Variants in PTPRK observed in about 807,000 individuals in gnomAD.
PTPRK encodes the protein receptor-type tyrosine-protein phosphatase kappa.
A neutral mutation model predicts 178.0 loss-of-function variants in PTPRK; 75 were observed. The observed-to-expected ratio is 0.42, with a 90% CI of 0.35 to 0.51. The LOEUF (loss-of-function observed/expected upper bound fraction) is 0.51, where lower values mean the gene tolerates loss of function less well. PTPRK is among the 20% of genes least tolerant of loss of function. The pLI is 0.02. For synonymous variants in PTPRK, 637 were observed against 620.6 expected (o/e 1.03, Z -0.39); for missense variants, 1,441 against 1,797.8 (o/e 0.80, Z 3.59).
chr6:128,153,204 CAAAG>C (rs1797518474), intron 7 of PTPRK, among the ~76,000 whole-genome samples: 1 of 151,294 alleles, frequency 6.6e-6, no homozygotes, highest in South Asian at 2.1e-4. Context: ...AAATCAAAAT[CAAAG>C]AAAGACTAGA....
intron 7 of PTPRK, among the ~76,000 whole-genome samples, chr6:128,122,096 A>G (rs149141208): frequency 9.8e-4 from 149 of 152,256 alleles, no homozygotes; most frequent in Middle Eastern, 3.4e-3. Flanking sequence ...ACTTCATCAT[A>G]TACACTTACC....
chr6:128,490,378 G>T (rs1002831253), intron 1 of PTPRK, among the ~76,000 whole-genome samples: 2 of 152,146 alleles, frequency 1.3e-5, no homozygotes, highest in Non-Finnish European at 2.9e-5. Context: ...AAAGGATTCT[G>T]CAGATGCATC....
intron 2 of PTPRK, among the ~76,000 whole-genome samples, chr6:128,363,380 A>C (rs144963558): frequency 1.6e-4 from 24 of 152,320 alleles, no homozygotes; most frequent in African/African-American, 5.8e-4. Context: ...TACACAGTAC[A>C]AATCCCCCCA....
intron 10 of PTPRK, among the ~76,000 whole-genome samples, chr6:128,079,771 C>G (rs1473347462): frequency 6.6e-6 from 1 of 151,960 alleles, no homozygotes; most frequent in East Asian, 1.9e-4. Context: ...AGTAGGAATT[C>G]ACATTTTATG....
intron 13 of PTPRK, among the ~76,000 whole-genome samples, chr6:128,048,823 CG>C: frequency 6.6e-6 from 1 of 152,186 alleles, no homozygotes; most frequent in South Asian, 2.1e-4. Flanking sequence ...CTCGGGGTCC[CG>C]GGACCAGTCC....
intron 2 of PTPRK, among the ~76,000 whole-genome samples, chr6:128,368,721 A>G (rs1835858853): frequency 6.6e-6 from 1 of 152,132 alleles, no homozygotes; most frequent in Admixed American, 6.6e-5. Context: ...GCTCTTCACC[A>G]AGCAAGTACT....
At chr6:128,125,231 A>T (rs188399048) in intron 7 of PTPRK, among the ~76,000 whole-genome samples, 2 of 152,186 alleles carry the variant, frequency 1.3e-5, no homozygotes, top group Admixed American at 1.3e-4. Flanking sequence ...GTAATCCCCA[A>T]TGTAGGAGGT....
chr6:128,030,756 T>C (rs112719578), intron 13 of PTPRK, among the ~76,000 whole-genome samples: 148 of 152,322 alleles, frequency 9.7e-4, no homozygotes, highest in African/African-American at 3.3e-3. Context: ...GCTTGCTTTT[T>C]TTCCCCCAAG....
chr6:128,493,429 G>A (rs1464222122), intron 1 of PTPRK, among the ~76,000 whole-genome samples: 1 of 151,880 alleles, frequency 6.6e-6, no homozygotes, highest in Non-Finnish European at 1.5e-5. Flanking sequence ...GGGCATGGTG[G>A]CAGGCGCCTG....
chr6:128,398,511 G>C (rs957130112), intron 1 of PTPRK, among the ~76,000 whole-genome samples: 1 of 152,150 alleles, frequency 6.6e-6, no homozygotes, highest in Non-Finnish European at 1.5e-5. Flanking sequence ...TTAGTGGTGA[G>C]AAGTAGAGGA....
At position 128,513,225 on chromosome 6, in the gene PTPRK, C is replaced by G. The variant is rs574061330; in HGVS notation, c.100+7034G>C. 7.2e-5 allele frequency among the ~76,000 whole-genome samples: 11 copies of G among 152,024 alleles called. No individual in the cohort carries two copies. The East Asian group carries it at 1.9e-3, about 27-fold the overall frequency. ...AGGGGCCGGGCATGGTGGCTCACAC[C>G]TGTAATCCCAGCATTTTAGAAGGCT... On this transcript the variant is annotated intron_variant, in intron 1 of 29. Transcript: ENST00000368226.
chr6:128,193,760 C>T (rs371213750), intron 6 of PTPRK, among the ~76,000 whole-genome samples: 93 of 152,114 alleles, frequency 6.1e-4, no homozygotes, highest in African/African-American at 8.9e-4. Flanking sequence ...ATTACCATGG[C>T]GTTTTATTCA....
intron 1 of PTPRK, among the ~76,000 whole-genome samples, chr6:128,509,332 G>A (rs1856843078): frequency 6.6e-6 from 1 of 151,946 alleles, no homozygotes; most frequent in South Asian, 2.1e-4. Context: ...AAAGTTGGGG[G>A]GACTGCTCTT....
At chr6:128,284,921 CTG>C (rs1822222675) in intron 3 of PTPRK, among the ~76,000 whole-genome samples, 1 of 152,190 alleles carries the variant, frequency 6.6e-6, no homozygotes, top group Admixed American at 6.5e-5. Flanking sequence ...CCAATTAAAA[CTG>C]AGTATACAGA....
rs562888017 is a variant in PTPRK, at chr6:128,044,841, A to G, written c.2194+19917T>C. Among the ~76,000 whole-genome samples the G allele has an allele frequency of 1.9e-4, 29 of 151,896 alleles. No homozygotes were observed. The South Asian group carries it at 2.1e-3, about 11-fold the overall frequency. The stretch of plus-strand genomic sequence containing the variant: ...TTAATTTGTATATATGTGTGTGTGT[A>G]TATATATATAGTATACATATAGTTG... On this transcript the variant is annotated intron_variant, in intron 13 of 29. Coordinates refer to ENST00000368226, the MANE Select transcript of PTPRK (RefSeq NM_002844.4).
At chr6:128,447,624 G>C (rs895710716) in intron 1 of PTPRK, among the ~76,000 whole-genome samples, 2 of 150,042 alleles carry the variant, frequency 1.3e-5, no homozygotes, top group Admixed American at 6.6e-5. Flanking sequence ...ATTCAAAACC[G>C]TGCCTTTTTT....
intron 7 of PTPRK, among the ~76,000 whole-genome samples, chr6:128,144,148 T>C (rs570111659): frequency 6.6e-6 from 1 of 152,000 alleles, no homozygotes; most frequent in African/African-American, 2.4e-5. Flanking sequence ...CTCACCCAGG[T>C]GGCCCTCTTC....
chr6:128,304,456 G>C (rs1562248873), intron 3 of PTPRK, among the ~76,000 whole-genome samples: 1 of 152,124 alleles, frequency 6.6e-6, no homozygotes, highest in Non-Finnish European at 1.5e-5. Context: ...AAGAGAAAAA[G>C]TTATTTGTAA....
At position 128,184,786 on chromosome 6, in the gene PTPRK, G is replaced by A. The variant is rs547760353; in HGVS notation, c.869-61C>T. The A allele has an allele frequency of 2.9e-4, 429 of 1,494,134 alleles. 7 individuals are homozygous for A. In the South Asian group the frequency reaches 5.1e-3, roughly 18 times the overall value. The allele number at this position is 1,494,134 out of a possible 1,614,324, so 92.6% of individuals were successfully genotyped here. A position where few individuals can be genotyped will look rare whatever the true frequency, so the allele number is the denominator to read the frequency against. Reference sequence around the variant, plus strand: ...TTTAAAATAATACAAAGATATATTAGTGTCTAATAAGGCCTAAATGCTTAA... The same window carrying A: ...TTTAAAATAATACAAAGATATATTAATGTCTAATAAGGCCTAAATGCTTAA... On this transcript the variant is annotated intron_variant, in intron 6 of 29. Coordinates refer to ENST00000368226, the MANE Select transcript of PTPRK (RefSeq NM_002844.4).
Sources: gnomAD v4.1 joint callset for allele counts (sites outside exome capture counted in the v4.1 genomes callset) on GRCh38, gnomAD v4.1.1 for gene constraint, MANE v1.5 for transcripts, NCBI Gene and HGNC (gene_info 2026-07-23, HGNC 2026-07-21) for gene names.